PTPRF: variants seen among roughly 807,000 people sequenced by gnomAD.
PTPRF encodes the protein receptor-type tyrosine-protein phosphatase F.
Under a neutral mutation model 201.8 loss-of-function variants are expected in PTPRF, and 59 were observed. The observed-to-expected ratio is 0.29, with a 90% CI of 0.24 to 0.36. PTPRF has a LOEUF of 0.36. Among genes scored for constraint, PTPRF ranks in the 10% least tolerant of loss-of-function variants. The probability of loss-of-function intolerance (pLI) is 1.00; values close to 1 mark genes in which losing one functional copy is unlikely to be tolerated. For missense variants in PTPRF, 2,132 were observed against 2,690.5 expected (o/e 0.79, Z 4.59); for synonymous variants, 1,088 against 1,089.7 (o/e 1.00, Z 0.03).
In PTPRF at chr1:43,545,069, G is replaced by C. The variant is rs754662738; in HGVS notation, c.-7G>C. ...GGCTGTGGCTGGCTGTGGAGCTAGAGCCCTGGATGGCCCCTGAGCCAGCCC... is the reference window on the plus strand; with the variant it reads ...GGCTGTGGCTGGCTGTGGAGCTAGACCCCTGGATGGCCCCTGAGCCAGCCC... On this transcript the variant is annotated 5_prime_UTR_variant, in exon 3 of 34. Coordinates refer to ENST00000359947, the MANE Select transcript of PTPRF (RefSeq NM_002840.5). 1.9e-6 allele frequency: 3 copies of C among 1,568,058 alleles called. No homozygotes were observed. Among genetic ancestry groups the C allele is most frequent in the Middle Eastern group, 3.3e-4 (2 of 6,008 alleles).
intron 5 of PTPRF, among the ~76,000 whole-genome samples, chr1:43,566,685 A>G (rs1646208828): frequency 6.6e-6 from 1 of 152,210 alleles, no homozygotes; most frequent in East Asian, 1.9e-4. Flanking sequence ...ATGGGAGAGA[A>G]GGAAGAGGCA....
chr1:43,526,683 T>C (rs1030179311), upstream of PTPRF, among the ~76,000 whole-genome samples: 3 of 152,102 alleles, frequency 2.0e-5, no homozygotes, highest in Admixed American at 6.5e-5. Context: ...CTGCATGCGA[T>C]TCGAAAGCCA....
At chr1:43,583,131 C>T in intron 7 of PTPRF, 3 of 981,222 alleles carry the variant, frequency 3.1e-6, no homozygotes, top group Non-Finnish European at 3.6e-6. Context: ...TACAGTTCGC[C>T]CATCGATGGG....
At chr1:43,536,344 C>T (rs1261345688) in intron 1 of PTPRF, among the ~76,000 whole-genome samples, 2 of 152,210 alleles carry the variant, frequency 1.3e-5, no homozygotes, top group South Asian at 2.1e-4. Context: ...TTCTAGGATC[C>T]TGCCCTCATG....
Position 43,619,453 on chromosome 1 carries a change from G to A in PTPRF, c.4812G>A (p.Leu1604=). The part of the protein sequence containing the change: ...EDQYVFIHEA[L]LEAATCGHTE... Reference sequence around the variant, plus strand: ...AGTACGTGTTCATCCATGAGGCGCTGCTGGAGGCTGCCACGTGCGGCCACA... The same window carrying A: ...AGTACGTGTTCATCCATGAGGCGCTACTGGAGGCTGCCACGTGCGGCCACA... The change falls in exon 28 of 34, where the codon CTG becomes CTA. Residue 1604 remains leucine (L), a synonymous_variant. Coordinates refer to ENST00000359947, the MANE Select transcript of PTPRF (RefSeq NM_002840.5). 1 of 1,614,098 alleles carries A rather than the reference G, an allele frequency of 6.2e-7. No individual in the cohort carries two copies. Among genetic ancestry groups the A allele is most frequent in the Non-Finnish European group, 8.5e-7 (1 of 1,180,048 alleles).
chr1:43,590,997 TGTG>T lies in PTPRF; in HGVS notation c.979_981del (p.Val327del). 7 of 1,612,956 alleles carry T rather than the reference TGTG, an allele frequency of 4.3e-6. No individual in the cohort carries two copies. The highest frequency in any genetic ancestry group is 5.9e-6 in the Non-Finnish European group (7 of 1,179,134). On this transcript the variant is annotated inframe_deletion, in exon 9 of 34. Transcript: ENST00000359947. ...CTCTTCCAAAGCCTCCGATTGATCTTGTGGTGACAGAGACAACTGCCACCAGTG... is the reference window on the plus strand; with the variant it reads ...CTCTTCCAAAGCCTCCGATTGATCTTGTGACAGAGACAACTGCCACCAGTG...
At position 43,619,247 on chromosome 1, in the gene PTPRF, G is replaced by A. The variant is rs777925549; in HGVS notation, c.4647-41G>A. The stretch of plus-strand genomic sequence containing the variant: ...CCCAGAGGGGTGGGTGGGGTGGGAG[G>A]TGGGGGCGCCTGTGCCTCAAGCTGA... On this transcript the variant is annotated intron_variant, in intron 27 of 33. Coordinates refer to ENST00000359947, the MANE Select transcript of PTPRF (RefSeq NM_002840.5). 2.5e-6 allele frequency: 4 copies of A among 1,607,992 alleles called. No individual in the cohort carries two copies. In the South Asian group the frequency reaches 4.4e-5, roughly 18 times the overall value.
In PTPRF at chr1:43,569,757, C is replaced by T. The variant is rs1455417237; in HGVS notation, c.547C>T (p.Arg183Cys). 5 of 1,612,022 alleles carry T rather than the reference C, an allele frequency of 3.1e-6. No homozygotes were observed. The highest frequency in any genetic ancestry group is 4.2e-6 in the Non-Finnish European group (5 of 1,178,758). The change falls in exon 6 of 34, where the codon CGC becomes TGC. Residue 183 changes from arginine (R) to cysteine (C), a missense_variant. By Grantham distance (180) the Arg-to-Cys change is radical. Around this residue, in one of 6 missense-constraint regions of PTPRF, gnomAD observed 297 missense variants for 454.0 expected, o/e 0.65. Transcript: ENST00000359947. ...LPVDPATSNG[R>C]IKQLRSGALQ... is the part of the protein sequence containing the mutation. ...TGTAGACCCTGCCACGAGCAACGGC[C>T]GCATCAAGCAGCTGCGTTCAGGTGA...
intron 16 of PTPRF, among the ~76,000 whole-genome samples, chr1:43,604,401 G>A (rs147353385): frequency 3.9e-4 from 60 of 152,316 alleles, no homozygotes; most frequent in African/African-American, 1.4e-3. Context: ...GACCTCTGCT[G>A]TATGACCTTC....
chr1:43,584,387 A>G (rs1028896382), intron 7 of PTPRF, among the ~76,000 whole-genome samples: 1 of 152,166 alleles, frequency 6.6e-6, no homozygotes, highest in Admixed American at 6.5e-5. Context: ...GCATCCATCC[A>G]TATGCACAGC....
rs1557781097 is a variant in PTPRF, at chr1:43,588,828, C to G, written c.777C>G (p.Pro259=). The change falls in exon 8 of 34, where the codon CCC becomes CCG. Residue 259 remains proline (P), a synonymous_variant. Transcript: ENST00000359947. This position sits in a 1 kb window ranked among gnomAD's most constrained non-coding sequence, Gnocchi z 5.3. ...TGACATGCGTGGCAGTGGGTGCACC[C>G]ATGCCCTACGTGAAGTGGATGATGG... The part of the protein sequence containing the change: ...VNLTCVAVGA[P]MPYVKWMMGA... The G allele has an allele frequency of 6.2e-7, 1 of 1,614,110 alleles. No individual in the cohort carries two copies.
intron 1 of PTPRF, among the ~76,000 whole-genome samples, chr1:43,536,716 G>C (rs574302469): frequency 5.2e-4 from 79 of 152,218 alleles, no homozygotes; most frequent in Admixed American, 2.7e-3. Context: ...TGGGCAGCCT[G>C]TATGCTGGGA....
chr1:43,590,128 C>T (rs577622592), intron 8 of PTPRF, among the ~76,000 whole-genome samples: 3 of 152,276 alleles, frequency 2.0e-5, no homozygotes, highest in South Asian at 2.1e-4. Flanking sequence ...TGCTGCTTTC[C>T]GTTTGCCGTG....
intron 1 of PTPRF, among the ~76,000 whole-genome samples, chr1:43,531,766 G>A (rs970880507): frequency 6.6e-6 from 1 of 152,046 alleles, no homozygotes; most frequent in Non-Finnish European, 1.5e-5. Flanking sequence ...GCCCTGGAGC[G>A]ACCTGTCCCG....
intron 23 of PTPRF, among the ~76,000 whole-genome samples, chr1:43,616,129 C>A (rs933506841): frequency 6.6e-6 from 1 of 151,618 alleles, no homozygotes; most frequent in Non-Finnish European, 1.5e-5. Flanking sequence ...AGCAGTGACG[C>A]GGTCCTGTGG....
chr1:43,522,681 A>G (rs79115096), upstream of PTPRF, among the ~76,000 whole-genome samples: 755 of 152,314 alleles, frequency 5.0e-3, 31 homozygotes, highest in East Asian at 0.1. Flanking sequence ...ATGAGTTACC[A>G]TGTGAAGGAG....
At chr1:43,566,237 C>T (rs1361761399) in intron 5 of PTPRF, among the ~76,000 whole-genome samples, 2 of 152,212 alleles carry the variant, frequency 1.3e-5, no homozygotes, top group Non-Finnish European at 2.9e-5. Context: ...GCCCCACCTC[C>T]GATTTAGCTG....
At chr1:43,550,546 C>T (rs1644965535) in intron 3 of PTPRF, among the ~76,000 whole-genome samples, 1 of 152,216 alleles carries the variant, frequency 6.6e-6, no homozygotes, top group South Asian at 2.1e-4. Flanking sequence ...CATTCTCCAC[C>T]CCTGGGTGCC....
chr1:43,598,649 A>C, intron 12 of PTPRF, 71 bp from the exon 13 acceptor site: 1 of 1,433,666 alleles, frequency 7.0e-7, no homozygotes, highest in African/African-American at 1.4e-5. Flanking sequence ...AGGACCCTCA[A>C]GTTTGCTGTG....
Sources: gnomAD v4.1 joint callset for allele counts (sites outside exome capture counted in the v4.1 genomes callset) on GRCh38, gnomAD v4.1.1 for gene constraint, gnomAD v4.1.1 regional missense constraint, Gnocchi (gnomAD v3.1) non-coding constraint, MANE v1.5 for transcripts, NCBI Gene and HGNC (gene_info 2026-07-23, HGNC 2026-07-21) for gene names.